Variants in CTNNA3 observed in about 807,000 individuals in gnomAD.
CTNNA3 encodes the protein catenin alpha 3.
A neutral mutation model predicts 95.7 loss-of-function variants in CTNNA3; 76 were observed. The ratio of observed to expected loss-of-function variants is 0.79; its 90% CI spans 0.66 to 0.96. The LOEUF (loss-of-function observed/expected upper bound fraction) is 0.96. Among genes scored for constraint, CTNNA3 ranks in the 40% least tolerant of loss-of-function variants. The pLI, the probability that CTNNA3 is intolerant of heterozygous loss-of-function variation, is 0.00. For missense variants in CTNNA3, 1,191 were observed against 1,089.8 expected, an observed-to-expected ratio of 1.09 and a Z score of -1.31; for synonymous variants, 431 against 374.4, an observed-to-expected ratio of 1.15 and a Z score of -1.74.
At chr10:67,750,559 C>T (rs1355512802) in intron 1 of CTNNA3, 1 of 1,578,860 alleles carries the variant, frequency 6.3e-7, no homozygotes, top group Non-Finnish European at 8.7e-7. Flanking sequence ...TGAGGAAAGC[C>T]TTTGAGAAGA....
intron 7 of CTNNA3, among the ~76,000 whole-genome samples, chr10:66,911,151 G>A (rs573052106): frequency 2.4e-4 from 37 of 152,268 alleles, no homozygotes; most frequent in South Asian, 4.1e-4. Flanking sequence ...AATTATGCAC[G>A]TTTCAGTTAC....
At chr10:66,016,721 C>T (rs1313988906) in intron 15 of CTNNA3, among the ~76,000 whole-genome samples, 3 of 152,176 alleles carry the variant, frequency 2.0e-5, no homozygotes, top group East Asian at 1.9e-4. Flanking sequence ...CTTCTTTATA[C>T]AGGCAACATA....
chr10:66,416,270 TAA>T (rs57188902), intron 11 of CTNNA3, among the ~76,000 whole-genome samples: 1 of 150,428 alleles, frequency 6.6e-6, no homozygotes, highest in African/African-American at 2.4e-5. Context: ...ACACATTTTT[TAA>T]AAAAAAAGAA....
chr10:67,714,165 G>A (rs896758823), intron 1 of CTNNA3, among the ~76,000 whole-genome samples: 3 of 152,112 alleles, frequency 2.0e-5, no homozygotes, highest in African/African-American at 7.2e-5. Flanking sequence ...TGAGAAGAGG[G>A]CCACCATCCT....
chr10:66,708,294 C>T lies in CTNNA3; in HGVS notation c.1281+57970G>A, dbSNP rs80061677. Among the ~76,000 whole-genome samples, 257 of 151,822 alleles carry T rather than the reference C, an allele frequency of 1.7e-3. 1 individual carries two copies. The highest frequency in any genetic ancestry group is 5.6e-3 in the African/African-American group (234 of 41,432). Reference sequence around the variant, plus strand: ...TAAATTTATTTTCTCCTAGTTCTAGCGGCTAAAAGTCCAAAATCAAGGTGT... The same window carrying T: ...TAAATTTATTTTCTCCTAGTTCTAGTGGCTAAAAGTCCAAAATCAAGGTGT... On this transcript the variant is annotated intron_variant, in intron 9 of 17. Transcript: ENST00000433211.
intron 11 of CTNNA3, among the ~76,000 whole-genome samples, chr10:66,451,781 A>G (rs937873891): frequency 6.6e-6 from 1 of 152,190 alleles, no homozygotes; most frequent in African/African-American, 2.4e-5. Flanking sequence ...TTTGGCTGCT[A>G]GCCAATCCAA....
chr10:66,889,302 A>T (rs781441434), intron 7 of CTNNA3, among the ~76,000 whole-genome samples: 1 of 152,242 alleles, frequency 6.6e-6, no homozygotes, highest in Non-Finnish European at 1.5e-5. Context: ...AATGGTAGAT[A>T]CATGTCATTG....
chr10:66,373,653 T>C (rs2092770723), intron 12 of CTNNA3, among the ~76,000 whole-genome samples: 1 of 151,166 alleles, frequency 6.6e-6, no homozygotes, highest in African/African-American at 2.4e-5. Context: ...AGAAAGGATA[T>C]AATTTGAAAG....
At chr10:66,273,842 GAGGGTGAAAAGA>G (rs1247714052) in intron 13 of CTNNA3, among the ~76,000 whole-genome samples, 4 of 152,038 alleles carry the variant, frequency 2.6e-5, no homozygotes, top group Admixed American at 1.3e-4. Flanking sequence ...GGCAAGCCAT[GAGGGTGAAAAGA>G]AGAGTAGAGG....
intron 2 of CTNNA3, among the ~76,000 whole-genome samples, chr10:67,640,619 AG>A (rs1839496384): frequency 6.6e-6 from 1 of 152,232 alleles, no homozygotes. Flanking sequence ...ACAAGACTAC[AG>A]TAACCAAAAC....
chr10:66,687,045 A>T (rs1196075451), intron 9 of CTNNA3, among the ~76,000 whole-genome samples: 1 of 152,190 alleles, frequency 6.6e-6, no homozygotes. Context: ...GACATACTTT[A>T]TACTTAATAG....
chr10:66,236,735 C>A (rs2089871222), intron 13 of CTNNA3, among the ~76,000 whole-genome samples: 1 of 152,064 alleles, frequency 6.6e-6, no homozygotes, highest in African/African-American at 2.4e-5. Flanking sequence ...ATCTTTCCAA[C>A]ATGCTTTTGT....
intron 3 of CTNNA3, among the ~76,000 whole-genome samples, chr10:67,576,784 T>C (rs1396529538): frequency 9.2e-6 from 1 of 108,384 alleles, no homozygotes; most frequent in African/African-American, 5.3e-5. Flanking sequence ...AATTCCCACC[T>C]ATGAGTGAGA....
chr10:66,735,652 C>CTGA (rs1321319525), intron 9 of CTNNA3, among the ~76,000 whole-genome samples: 1 of 152,088 alleles, frequency 6.6e-6, no homozygotes, highest in African/African-American at 2.4e-5. Flanking sequence ...ATCAACTCTT[C>CTGA]TGATACCTTT....
At chr10:66,758,613 A>G (rs1839472266) in intron 9 of CTNNA3, among the ~76,000 whole-genome samples, 1 of 152,124 alleles carries the variant, frequency 6.6e-6, no homozygotes, top group African/African-American at 2.4e-5. Context: ...TCAAGTTCAG[A>G]GAAGTTTCAC....
intron 14 of CTNNA3, among the ~76,000 whole-genome samples, chr10:66,102,827 A>G (rs2081698237): frequency 6.6e-6 from 1 of 152,078 alleles, no homozygotes; most frequent in African/African-American, 2.4e-5. Context: ...ATTCCCGAGT[A>G]TATTTACAAC....
chr10:67,698,680 T>G (rs1841008962), upstream of CTNNA3, among the ~76,000 whole-genome samples: 4 of 152,188 alleles, frequency 2.6e-5, no homozygotes, highest in Admixed American at 2.6e-4. Flanking sequence ...TGAACAGCCA[T>G]AATACCTTTC....
At chr10:66,024,166 C>A (rs986669657) in intron 15 of CTNNA3, among the ~76,000 whole-genome samples, 1 of 144,392 alleles carries the variant, frequency 6.9e-6, no homozygotes, top group Non-Finnish European at 1.5e-5. Context: ...CTGGGCTCAC[C>A]GCAAGCTCCG....
At chr10:66,612,871 C>G (rs1844375507) in intron 10 of CTNNA3, among the ~76,000 whole-genome samples, 1 of 152,164 alleles carries the variant, frequency 6.6e-6, no homozygotes, top group Non-Finnish European at 1.5e-5. Context: ...CTCCCTGTGT[C>G]CCCTGACATG....
Sources: gnomAD v4.1 joint callset for allele counts (sites outside exome capture counted in the v4.1 genomes callset) on GRCh38, gnomAD v4.1.1 for gene constraint, MANE v1.5 for transcripts, NCBI Gene and HGNC (gene_info 2026-07-23, HGNC 2026-07-21) for gene names.